The following MCCC2 variants were observed in gnomAD, a reference collection of about 807,000 sequenced individuals.
MCCC2 encodes methylcrotonoyl-CoA carboxylase beta chain, mitochondrial.
Under a neutral mutation model 77.2 loss-of-function variants are expected in MCCC2, and 52 were observed. The ratio of observed to expected loss-of-function variants is 0.67; its 90% CI spans 0.54 to 0.85. The LOEUF (loss-of-function observed/expected upper bound fraction) is 0.85. MCCC2 is among the 40% of genes least tolerant of loss of function. MCCC2 has a pLI of 0.00. For synonymous variants in MCCC2, 253 were observed against 248.4 expected, an observed-to-expected ratio of 1.02 and a Z score of -0.18; for missense variants, 682 against 703.2, an observed-to-expected ratio of 0.97 and a Z score of 0.34.
At chr5:71,605,267 T>C (rs1745623998) in intron 6 of MCCC2, among the ~76,000 whole-genome samples, 1 of 151,650 alleles carries the variant, frequency 6.6e-6, no homozygotes, top group African/African-American at 2.4e-5. Flanking sequence ...TTTTAATGAT[T>C]GCCATTCTAA....
chr5:71,654,131 AC>A (rs1200825759), intron 16 of MCCC2, among the ~76,000 whole-genome samples: 1 of 152,044 alleles, frequency 6.6e-6, no homozygotes, highest in Non-Finnish European at 1.5e-5. Context: ...CAAAGCTGGG[AC>A]TACAGACATG....
At chr5:71,618,486 CTTCTTCCT>C (rs938326480) in intron 6 of MCCC2, among the ~76,000 whole-genome samples, 13 of 138,074 alleles carry the variant, frequency 9.4e-5, no homozygotes, top group African/African-American at 1.7e-4. Context: ...TCCTTCTTTC[CTTCTTCCT>C]TCCTTCCTTC....
rs186940449 is a variant in MCCC2, at chr5:71,632,073, A to T, written c.739-48A>T. On this transcript the variant is annotated intron_variant, in intron 7 of 16. Transcript: ENST00000340941. ...TTGTGCATGTTGGGGAAGCATTTTT[A>T]TATGTCTGATGGACCGATTTCACTG... The T allele has an allele frequency of 2.4e-4, 367 of 1,555,958 alleles. 1 individual carries two copies. In the African/African-American group the frequency reaches 4.4e-3, roughly 19 times the overall value.
chr5:71,594,415 C>G (rs192837294), intron 2 of MCCC2, among the ~76,000 whole-genome samples: 1 of 151,944 alleles, frequency 6.6e-6, no homozygotes, highest in Admixed American at 6.6e-5. Flanking sequence ...GTAATCCCAC[C>G]TACTCGGGAG....
rs1326337945 is a variant in MCCC2, at chr5:71,588,825, AG to A, written c.129+1273del. Among the ~76,000 whole-genome samples the A allele has an allele frequency of 7.2e-5, 11 of 152,160 alleles. No homozygotes were observed. In the East Asian group the frequency reaches 1.3e-3, roughly 19 times the overall value. On this transcript the variant is annotated intron_variant, in intron 1 of 16. Transcript: ENST00000340941. Reference sequence around the variant, plus strand: ...GTGTGAGGACTTGAATTCCATGTCTAGGACATGGAATTCATTGAATAGTGTC... The same window carrying A: ...GTGTGAGGACTTGAATTCCATGTCTAGACATGGAATTCATTGAATAGTGTC...
intron 10 of MCCC2, among the ~76,000 whole-genome samples, chr5:71,640,515 A>T (rs1243779114): frequency 6.6e-6 from 1 of 151,376 alleles, no homozygotes; most frequent in African/African-American, 2.4e-5. Context: ...CTACTTCCTT[A>T]CAAGTAGATC....
At chr5:71,629,735 C>CATTATTATTATTATTATT (rs3066461) in intron 7 of MCCC2, among the ~76,000 whole-genome samples, 76 of 147,986 alleles carry the variant, frequency 5.1e-4, no homozygotes, top group African/African-American at 1.7e-3. Flanking sequence ...AGCCTGCAGC[C>CATTATTATTATTATTATT]ATTATTATTA....
At chr5:71,633,364 C>T (rs1746810246) in intron 8 of MCCC2, among the ~76,000 whole-genome samples, 1 of 151,766 alleles carries the variant, frequency 6.6e-6, no homozygotes, top group African/African-American at 2.4e-5. Flanking sequence ...TTTGCCTCCC[C>T]TATTCCCCTT....
At chr5:71,652,793 G>C in intron 16 of MCCC2, 39 bp downstream of exon 16, 1 of 1,551,544 alleles carries the variant, frequency 6.4e-7, no homozygotes, top group Non-Finnish European at 8.9e-7. Context: ...GATGGGTGCA[G>C]ATGGCAGTCA....
chr5:71,602,737 G>A (rs2112321278), intron 5 of MCCC2, 104 bp downstream of exon 5: 2 of 1,506,490 alleles, frequency 1.3e-6, no homozygotes, highest in African/African-American at 1.4e-5. Context: ...TTATAAACCT[G>A]TTGATTTCTC....
rs1561840847 is a variant in MCCC2 at position 71,632,192 on chromosome 5, C to A, written c.803+7C>A. On this transcript the variant is annotated splice_region_variant and intron_variant, in intron 8 of 16. Transcript: ENST00000340941. ...GTGCTGATCTTCATTGCAGGTGAAA[C>A]AGAAATGGTTGTTTCTTTCCGGGAT... 6.2e-7 allele frequency: 1 copy of A among 1,613,662 alleles called. No individual in the cohort carries two copies.
intron 6 of MCCC2, among the ~76,000 whole-genome samples, chr5:71,625,786 A>G (rs1746511306): frequency 6.6e-6 from 1 of 152,176 alleles, no homozygotes; most frequent in African/African-American, 2.4e-5. Context: ...GTTACCTTTC[A>G]TCTTTTGATT....
intron 12 of MCCC2, among the ~76,000 whole-genome samples, chr5:71,644,411 T>C (rs1043021521): frequency 9.9e-5 from 15 of 152,250 alleles, no homozygotes; most frequent in African/African-American, 3.6e-4. Context: ...ATGAGAATAG[T>C]GGGTCTTTGT....
At chr5:71,591,806 A>G (rs373849447) in intron 1 of MCCC2, among the ~76,000 whole-genome samples, 60 of 152,282 alleles carry the variant, frequency 3.9e-4, no homozygotes, top group African/African-American at 1.3e-3. Flanking sequence ...AGGCTGGAGT[A>G]CAATGGCACG....
chr5:71,588,164 G>A (rs1024966304), intron 1 of MCCC2, among the ~76,000 whole-genome samples: 2 of 152,018 alleles, frequency 1.3e-5, no homozygotes, highest in African/African-American at 4.8e-5. Context: ...AGCTACCTGG[G>A]AGGCTGAGGC....
intron 7 of MCCC2, among the ~76,000 whole-genome samples, chr5:71,630,285 TG>T (rs1198579985): frequency 1.3e-5 from 2 of 152,200 alleles, no homozygotes; most frequent in East Asian, 3.8e-4. Context: ...TTAGAGTAGT[TG>T]AAAAAAACAG....
intron 5 of MCCC2, among the ~76,000 whole-genome samples, chr5:71,603,831 C>T (rs1036317686): frequency 3.3e-5 from 5 of 151,892 alleles, no homozygotes; most frequent in Non-Finnish European, 7.4e-5. Context: ...CTTTTTTTAT[C>T]TTCATTTCGT....
chr5:71,618,499 TC>T (rs1459384176), intron 6 of MCCC2, among the ~76,000 whole-genome samples: 1 of 35,302 alleles, frequency 2.8e-5, no homozygotes, highest in African/African-American at 9.1e-5. Context: ...CTTCCTTCCT[TC>T]CTTCCTTCCT....
chr5:71,614,692 C>T (rs1277005993), intron 6 of MCCC2, among the ~76,000 whole-genome samples: 4 of 151,992 alleles, frequency 2.6e-5, no homozygotes, highest in African/African-American at 9.7e-5. Flanking sequence ...CTATGTTGCC[C>T]AGGCTGGTCT....
Sources: allele counts gnomAD v4.1 joint callset (sites outside exome capture counted in the v4.1 genomes callset), GRCh38; gene constraint gnomAD v4.1.1; transcripts MANE v1.5; gene names NCBI Gene and HGNC (gene_info 2026-07-23, HGNC 2026-07-21).